The following WHR1 variants were observed in gnomAD, a reference collection of about 807,000 sequenced individuals.
WHR1 encodes the protein MHC class III HLA-RP1.
the WHR1 span, among the ~76,000 whole-genome samples, chr6:31,976,800 C>G: frequency 6.6e-6 from 1 of 152,374 alleles, no homozygotes; most frequent in African/African-American, 2.4e-5. Context: ...GCGGCACCTC[C>G]GGAGGCCGAG....
chr6:31,980,449 A>G, the WHR1 span: 1 of 1,611,664 alleles, frequency 6.2e-7, no homozygotes, highest in Non-Finnish European at 8.5e-7. Flanking sequence ...CACTGCCCTC[A>G]GGCATCTGGT....
At chr6:31,971,679 G>T in the WHR1 span, 2 of 1,600,080 alleles carry the variant, frequency 1.2e-6, no homozygotes, top group East Asian at 2.2e-5. This position sits in a 1 kb window ranked among gnomAD's most constrained non-coding sequence, Gnocchi z 4.5. Context: ...GATCCATGAG[G>T]TCCTAAGACA....
At chr6:31,976,281 C>G in the WHR1 span, among the ~76,000 whole-genome samples, 6 of 150,994 alleles carry the variant, frequency 4.0e-5, no homozygotes, top group Middle Eastern at 3.6e-3. Context: ...CCACCTCCCT[C>G]CTGGAGGGGG....
At chr6:31,971,778 C>T in the WHR1 span, 5 of 1,383,142 alleles carry the variant, frequency 3.6e-6, no homozygotes, top group Non-Finnish European at 3.8e-6. This position sits in a 1 kb window ranked among gnomAD's most constrained non-coding sequence, Gnocchi z 4.5. Flanking sequence ...TCGCCAGGCT[C>T]TGGCCTTGAA....
At chr6:31,972,607 AT>A in the WHR1 span, 1 of 1,601,460 alleles carries the variant, frequency 6.2e-7, no homozygotes, top group South Asian at 1.1e-5. This position sits in a 1 kb window ranked among gnomAD's most constrained non-coding sequence, Gnocchi z 6.3. Flanking sequence ...CCGTGAGCCG[AT>A]TTATCTGCCC....
chr6:31,980,027 A>G, the WHR1 span: 3,419 of 214,708 alleles, frequency 0.016, 68 homozygotes, highest in Admixed American at 0.038. Context: ...CATTTGAAAA[A>G]CTATAGCACT....
At chr6:31,973,362 G>A in the WHR1 span, 1 of 224,170 alleles carries the variant, frequency 4.5e-6, no homozygotes, top group Non-Finnish European at 9.1e-6. Context: ...TGCATGTGGA[G>A]CATCCAAAGA....
the WHR1 span, chr6:31,972,555 C>T: frequency 3.6e-5 from 57 of 1,595,428 alleles, no homozygotes; most frequent in African/African-American, 7.2e-4. This position sits in a 1 kb window ranked among gnomAD's most constrained non-coding sequence, Gnocchi z 6.3. Flanking sequence ...TTCCGGTAGC[C>T]GAGAGTTTTG....
the WHR1 span, chr6:31,972,614 T>C: frequency 6.2e-7 from 1 of 1,602,286 alleles, no homozygotes; most frequent in Non-Finnish European, 8.5e-7. The surrounding 1 kb of genome is among the most constrained non-coding windows in gnomAD (Gnocchi z 6.3). Flanking sequence ...CCGATTTATC[T>C]GCCCAGGGTC....
At chr6:31,976,594 A>G in the WHR1 span, among the ~76,000 whole-genome samples, 1 of 149,328 alleles carries the variant, frequency 6.7e-6, no homozygotes, top group Non-Finnish European at 1.5e-5. Flanking sequence ...CTCACATCCC[A>G]GACGATGGGC....
At chr6:31,972,871 C>T in the WHR1 span, 1 of 1,531,898 alleles carries the variant, frequency 6.5e-7, no homozygotes, top group Non-Finnish European at 8.8e-7. This position sits in a 1 kb window ranked among gnomAD's most constrained non-coding sequence, Gnocchi z 6.3. Flanking sequence ...GGCGAGGGCA[C>T]TGTGCCAGGC....
chr6:31,972,088 C>T, the WHR1 span: 20 of 1,612,930 alleles, frequency 1.2e-5, no homozygotes, highest in South Asian at 2.2e-4. This position sits in a 1 kb window ranked among gnomAD's most constrained non-coding sequence, Gnocchi z 6.3. Flanking sequence ...GTGAGCTTCA[C>T]GAAGGAGGTT....
At chr6:31,972,311 C>G in the WHR1 span, 83 of 1,613,022 alleles carry the variant, frequency 5.1e-5, no homozygotes, top group Non-Finnish European at 6.9e-5. The surrounding 1 kb of genome is among the most constrained non-coding windows in gnomAD (Gnocchi z 6.3). Flanking sequence ...GGAGGGACGC[C>G]CGGGGAGACC....
the WHR1 span, chr6:31,972,592 C>A: frequency 6.3e-7 from 1 of 1,599,378 alleles, no homozygotes; most frequent in East Asian, 2.2e-5. The surrounding 1 kb of genome is among the most constrained non-coding windows in gnomAD (Gnocchi z 6.3). Context: ...GCCCCAGTTC[C>A]CTGTCCGTGA....
At chr6:31,972,337 G>A in the WHR1 span, 4 of 1,613,130 alleles carry the variant, frequency 2.5e-6, no homozygotes, top group Admixed American at 1.7e-5. This position sits in a 1 kb window ranked among gnomAD's most constrained non-coding sequence, Gnocchi z 6.3. Context: ...TCACTGCTCT[G>A]CGCCGGAAGA....
chr6:31,971,336 G>A, the WHR1 span: 1 of 1,542,994 alleles, frequency 6.5e-7, no homozygotes, highest in East Asian at 2.3e-5. The surrounding 1 kb of genome is among the most constrained non-coding windows in gnomAD (Gnocchi z 4.5). Flanking sequence ...AACCGGCCTC[G>A]GTGTTCCAGG....
the WHR1 span, chr6:31,973,206 TAGGGAGGGAG>T: frequency 2.7e-6 from 1 of 366,198 alleles, no homozygotes; most frequent in Non-Finnish European, 5.3e-6. Context: ...GTCAGTGCAG[TAGGGAGGGAG>T]AGGAGAGTGA....
chr6:31,975,910 T>C, the WHR1 span, among the ~76,000 whole-genome samples: 2 of 145,364 alleles, frequency 1.4e-5, no homozygotes, highest in African/African-American at 5.1e-5. Flanking sequence ...GGCGGGGGGC[T>C]GACCCCCCCA....
chr6:31,972,422 A>G, the WHR1 span: 3 of 1,613,084 alleles, frequency 1.9e-6, no homozygotes, highest in South Asian at 1.1e-5. The surrounding 1 kb of genome is among the most constrained non-coding windows in gnomAD (Gnocchi z 6.3). Context: ...ATGAGCTGGA[A>G]GAGGCATCAC....
Sources: gnomAD v4.1 joint callset for allele counts (sites outside exome capture counted in the v4.1 genomes callset) on GRCh38, gnomAD v4.1.1 for gene constraint, Gnocchi (gnomAD v3.1) non-coding constraint, MANE v1.5 for transcripts, NCBI Gene and HGNC (gene_info 2026-07-23, HGNC 2026-07-21) for gene names.